KIF26A: variants seen among roughly 807,000 people sequenced by gnomAD.
The protein encoded by KIF26A is kinesin family member 26A.
KIF26A carries 74 observed loss-of-function variants against 126.0 expected under a neutral mutation model. The ratio of observed to expected loss-of-function variants is 0.59; its 90% CI spans 0.49 to 0.71. The LOEUF (loss-of-function observed/expected upper bound fraction) is 0.71, where lower values mean the gene tolerates loss of function less well. Ranked by LOEUF, KIF26A falls within the 30% of genes least tolerant of loss-of-function variation. KIF26A has a pLI of 0.00. For missense variants in KIF26A, 2,984 were observed against 2,763.3 expected, an observed-to-expected ratio of 1.08 and a Z score of -1.79; for synonymous variants, 1,445 against 1,232.7, an observed-to-expected ratio of 1.17 and a Z score of -3.61.
chr14:104,140,718 G>A (rs2037629752), intron 2 of KIF26A, among the ~76,000 whole-genome samples: 1 of 151,924 alleles, frequency 6.6e-6, no homozygotes, highest in African/African-American at 2.4e-5. Flanking sequence ...GTCTCTTCTG[G>A]CAGACAGGTC....
Position 104,179,807 on chromosome 14 carries a change from A to G in KIF26A, c.*17A>G. The G allele has an allele frequency of 6.6e-7, 1 of 1,510,426 alleles. No individual in the cohort carries two copies. Among genetic ancestry groups the G allele is most frequent in the Non-Finnish European group, 8.9e-7 (1 of 1,129,088 alleles). The allele number at this position is 1,510,426 out of a possible 1,614,324, so 93.6% of individuals were successfully genotyped here. ...GACGTCTGAGGCTGGGCGCCGGACAAGAGGAGGGGGCGTGCAGCGGGCTGG... is the reference window on the plus strand; with the variant it reads ...GACGTCTGAGGCTGGGCGCCGGACAGGAGGAGGGGGCGTGCAGCGGGCTGG... On this transcript the variant is annotated 3_prime_UTR_variant, in exon 15 of 15. Transcript: ENST00000423312.
rs536202459 is a variant in KIF26A at position 104,178,904 on chromosome 14, C to T, written c.5316+149C>T. ...CTTTCTGTCCACGTTCCTCCCAGGACGCAAAGGTAGGAGCGGCCCTGCCCA... is the reference window on the plus strand; with the variant it reads ...CTTTCTGTCCACGTTCCTCCCAGGATGCAAAGGTAGGAGCGGCCCTGCCCA... On this transcript the variant is annotated intron_variant, in intron 13 of 14. Coordinates refer to ENST00000423312, the MANE Select transcript of KIF26A (RefSeq NM_015656.2). 205 of 601,214 alleles carry T rather than the reference C, an allele frequency of 3.4e-4. 1 individual carries two copies. Among genetic ancestry groups the T allele is most frequent in the Non-Finnish European group, 4.1e-4 (144 of 349,552 alleles). The allele number at this position is 601,214 out of a possible 1,614,324, so 37.2% of individuals were successfully genotyped here. A position where few individuals can be genotyped will look rare whatever the true frequency, so the allele number is the denominator to read the frequency against.
intron 2 of KIF26A, among the ~76,000 whole-genome samples, chr14:104,139,756 C>T (rs1191482907): frequency 6.6e-6 from 1 of 152,222 alleles, no homozygotes; most frequent in African/African-American, 2.4e-5. Context: ...GGGTGGGCCA[C>T]AGCAGCTGGG....
At position 104,166,968 on chromosome 14, in the gene KIF26A, C is replaced by A. The variant is rs1454463491; in HGVS notation, c.1033C>A (p.Gln345Lys). ...CCCCACCGACTTCAGCGGGGTCCTG[C>A]AGCTGTGGCCGCCCCCGGCGCCCCC... ...TYPTDFSGVLQLWPPPAPPCL... is the reference protein window; with the variant it reads ...TYPTDFSGVLKLWPPPAPPCL... The change falls in exon 5 of 15, where the codon CAG (glutamine) becomes AAG (lysine). Residue 345 changes from glutamine to lysine, a missense_variant. Gln to Lys is a moderately conservative substitution (Grantham distance 53, BLOSUM62 1). Coordinates refer to ENST00000423312, the MANE Select transcript of KIF26A (RefSeq NM_015656.2). The A allele has an allele frequency of 1.3e-6, 2 of 1,588,206 alleles. No individual in the cohort carries two copies. The highest frequency in any genetic ancestry group is 1.1e-5 in the South Asian group (1 of 87,272).
At chr14:104,167,662 C>T (rs777879808) in intron 5 of KIF26A, among the ~76,000 whole-genome samples, 9 of 152,138 alleles carry the variant, frequency 5.9e-5, no homozygotes, top group Admixed American at 2.0e-4. Context: ...CCTGGCTGGA[C>T]GTGGCCCTGC....
At chr14:104,140,476 T>C (rs1182951407) in intron 2 of KIF26A, among the ~76,000 whole-genome samples, 1 of 152,086 alleles carries the variant, frequency 6.6e-6, no homozygotes, top group East Asian at 1.9e-4. Context: ...GCTGCCCCAT[T>C]AGGGGAAACA....
chr14:104,176,889 G>A lies in KIF26A; in HGVS notation c.4101G>A (p.Arg1367=), dbSNP rs759549209. The A allele has an allele frequency of 5.2e-6, 8 of 1,541,562 alleles. No individual in the cohort carries two copies. In the South Asian group the frequency reaches 9.5e-5, roughly 18 times the overall value. ...CGGCCCCCCCGGCCCCACCCACGCG[G>A]AAGTCCAGCCTGGAGCAGAGGAGCA... is the stretch of plus-strand genomic sequence containing the variant. ...SGAAPPAPPT[R]KSSLEQRSSP... Residue 1367 remains arginine (R), a synonymous_variant, in exon 12 of 15, where the codon CGG becomes CGA. Transcript: ENST00000423312.
rs1181270720 is a variant in KIF26A at position 104,176,419 on chromosome 14, C to T, written c.3631C>T (p.Pro1211Ser). ...AGCCCAGACCATCCACTCCAGCCTC[C>T]CCCGGAAACCGAGGACTGCCTCTGC... The part of the protein sequence containing the change: ...SAAQTIHSSL[P>S]RKPRTASATT... The change falls in exon 12 of 15, where the codon CCC (proline) becomes TCC (serine). Residue 1211 changes from proline to serine, a missense_variant. Physicochemically the swap from Pro to Ser is moderately conservative, Grantham distance 74 (BLOSUM62 -1). Coordinates refer to ENST00000423312, the MANE Select transcript of KIF26A (RefSeq NM_015656.2). The T allele has an allele frequency of 6.3e-7, 1 of 1,593,924 alleles. No homozygotes were observed. The highest frequency in any genetic ancestry group is 1.1e-5 in the South Asian group (1 of 89,910).
At chr14:104,164,684 ATGTGTGTGCTC>A (rs1480085471) in intron 4 of KIF26A, among the ~76,000 whole-genome samples, 1 of 150,528 alleles carries the variant, frequency 6.6e-6, no homozygotes, top group Non-Finnish European at 1.5e-5. Context: ...CTGCGTGTGT[ATGTGTGTGCTC>A]TGTGTGTGTA....
chr14:104,168,474 G>A (rs1427311212), intron 5 of KIF26A, among the ~76,000 whole-genome samples: 1 of 152,218 alleles, frequency 6.6e-6, no homozygotes, highest in Admixed American at 6.5e-5. Flanking sequence ...CTCTGGGGCG[G>A]CCTGTGGGGC....
In KIF26A at chr14:104,175,507, A is replaced by T. The variant is rs1330055811; in HGVS notation, c.2719A>T (p.Thr907Ser). Residue 907 changes from threonine to serine, a missense_variant, in exon 12 of 15, where the codon ACC (threonine) becomes TCC (serine). Thr to Ser is a moderately conservative substitution (Grantham distance 58). Coordinates refer to ENST00000423312, the MANE Select transcript of KIF26A (RefSeq NM_015656.2). ...STPRGSSGPDTHQGTPEPCKA... is the reference protein window; with the variant it reads ...STPRGSSGPDSHQGTPEPCKA... ...CCCTCGAGGCAGTTCTGGTCCAGAC[A>T]CCCACCAGGGTACCCCTGAGCCCTG... 2 of 1,597,074 alleles carry T rather than the reference A, an allele frequency of 1.3e-6. No individual in the cohort carries two copies. The highest frequency in any genetic ancestry group is 1.7e-6 in the Non-Finnish European group (2 of 1,178,258).
At chr14:104,171,236 G>A (rs1193222358) in intron 5 of KIF26A, among the ~76,000 whole-genome samples, 1 of 152,236 alleles carries the variant, frequency 6.6e-6, no homozygotes, top group Non-Finnish European at 1.5e-5. Flanking sequence ...CCATGCCCCT[G>A]GATGGCTCCC....
chr14:104,175,291 C>G lies in KIF26A; in HGVS notation c.2503C>G (p.His835Asp). 2 of 1,605,186 alleles carry G rather than the reference C, an allele frequency of 1.2e-6. No homozygotes were observed. Among genetic ancestry groups the G allele is most frequent in the Non-Finnish European group, 1.7e-6 (2 of 1,179,596 alleles). ...RPSKGPRDAD[H>D]FRCSTFAELQ... ...CTCCAAGGGTCCCCGAGACGCAGAC[C>G]ACTTCCGCTGCAGCACCTTCGCGGA... is the stretch of plus-strand genomic sequence containing the variant. The change falls in exon 12 of 15, where the codon CAC becomes GAC. Residue 835 changes from histidine (H) to aspartate (D), a missense_variant. His to Asp is a moderately conservative substitution (Grantham distance 81). Coordinates refer to ENST00000423312, the MANE Select transcript of KIF26A (RefSeq NM_015656.2).
chr14:104,169,167 C>T (rs1290505618), intron 5 of KIF26A, among the ~76,000 whole-genome samples: 1 of 152,200 alleles, frequency 6.6e-6, no homozygotes, highest in Non-Finnish European at 1.5e-5. Context: ...ACGTGGGCTG[C>T]AGAGCTGTGC....
In KIF26A at chr14:104,151,982, A is replaced by G; in HGVS notation, c.289-33A>G. 1 of 1,606,452 alleles carries G rather than the reference A, an allele frequency of 6.2e-7. No homozygotes were observed. ...GGGTGCCGGCCCTCCCTCCCCAGGC[A>G]CTGACCCTGCCTTTGTCCCTTGCTG... On this transcript the variant is annotated intron_variant, in intron 2 of 14. Transcript: ENST00000423312. This position sits in a 1 kb window ranked among gnomAD's most constrained non-coding sequence, Gnocchi z 4.9.
At position 104,151,430 on chromosome 14, in the gene KIF26A, C is replaced by T. The variant is rs1035999396; in HGVS notation, c.289-585C>T. ...GGGCCCTGGGCTGTACCCGATCCTG[C>T]GGCTCTTGCGCCCCTTCGGTGAGCT... is the stretch of plus-strand genomic sequence containing the variant. On this transcript the variant is annotated intron_variant, in intron 2 of 14. Coordinates refer to ENST00000423312, the MANE Select transcript of KIF26A (RefSeq NM_015656.2). This position sits in a 1 kb window ranked among gnomAD's most constrained non-coding sequence, Gnocchi z 4.9. 2.6e-5 allele frequency among the ~76,000 whole-genome samples: 4 copies of T among 152,356 alleles called. No homozygotes were observed. Among genetic ancestry groups the T allele is most frequent in the Non-Finnish European group, 5.9e-5 (4 of 68,028 alleles).
In KIF26A at chr14:104,148,194, C is replaced by G. The variant is rs1196820952; in HGVS notation, c.289-3821C>G. Reference sequence around the variant, plus strand: ...AATGGAAGGATTACTTAAAGCAACTCGGAGACCCCAGAAACAAAATAAAGA... The same window carrying G: ...AATGGAAGGATTACTTAAAGCAACTGGGAGACCCCAGAAACAAAATAAAGA... On this transcript the variant is annotated intron_variant, in intron 2 of 14. Coordinates refer to ENST00000423312, the MANE Select transcript of KIF26A (RefSeq NM_015656.2). This position sits in a 1 kb window ranked among gnomAD's most constrained non-coding sequence, Gnocchi z 4.3. Among the ~76,000 whole-genome samples, 1 of 152,136 alleles carries G rather than the reference C, an allele frequency of 6.6e-6. No individual in the cohort carries two copies. The highest frequency in any genetic ancestry group is 1.5e-5 in the Non-Finnish European group (1 of 68,014).
chr14:104,166,230 G>C (rs1374051920), intron 4 of KIF26A, among the ~76,000 whole-genome samples: 1 of 152,168 alleles, frequency 6.6e-6, no homozygotes, highest in East Asian at 1.9e-4. Flanking sequence ...GGGCCTTGGT[G>C]ATCGGCAAGG....
chr14:104,138,879 C>G, intron 1 of KIF26A, 115 bp downstream of exon 1: 2 of 1,260,096 alleles, frequency 1.6e-6, no homozygotes, highest in Non-Finnish European at 2.0e-6. Flanking sequence ...GGGTAGCGGA[C>G]CCGCAGGCGG....
Sources: gnomAD v4.1 joint callset for allele counts (sites outside exome capture counted in the v4.1 genomes callset) on GRCh38, gnomAD v4.1.1 for gene constraint, Gnocchi (gnomAD v3.1) non-coding constraint, MANE v1.5 for transcripts, NCBI Gene and HGNC (gene_info 2026-07-23, HGNC 2026-07-21) for gene names.